PREX2: variants seen among roughly 807,000 people sequenced by gnomAD.
PREX2 encodes phosphatidylinositol 3,4,5-trisphosphate-dependent Rac exchanger 2 protein.
In PREX2, 107 loss-of-function variants were observed where a neutral mutation model predicts 203.2. The observed-to-expected ratio is 0.53, with a 90% CI of 0.45 to 0.62. The LOEUF (loss-of-function observed/expected upper bound fraction) is 0.62, where lower values mean the gene tolerates loss of function less well. Ranked by LOEUF, PREX2 falls within the 20% of genes least tolerant of loss-of-function variation. The pLI is 0.00. For synonymous variants in PREX2, 672 were observed against 663.6 expected (o/e 1.01, Z -0.19); for missense variants, 1,777 against 1,955.9 (o/e 0.91, Z 1.72).
chr8:68,046,315 C>T (rs1422744029), intron 8 of PREX2, among the ~76,000 whole-genome samples: 9 of 152,018 alleles, frequency 5.9e-5, no homozygotes, highest in Non-Finnish European at 1.2e-4. Context: ...TGCTTTTGGG[C>T]AGCTGGAGAA....
intron 6 of PREX2, among the ~76,000 whole-genome samples, chr8:68,035,696 C>A (rs946304279): frequency 6.6e-6 from 1 of 152,096 alleles, no homozygotes; most frequent in African/African-American, 2.4e-5. Context: ...AGTACATTAA[C>A]AATTCTTAGG....
intron 25 of PREX2, among the ~76,000 whole-genome samples, chr8:68,113,530 A>G (rs1461754802): frequency 6.6e-6 from 1 of 152,176 alleles, no homozygotes; most frequent in Non-Finnish European, 1.5e-5. Context: ...AAAGAGAAAA[A>G]CTGTGTTTAA....
intron 33 of PREX2, among the ~76,000 whole-genome samples, chr8:68,140,079 T>C (rs766211989): frequency 6.6e-6 from 1 of 152,168 alleles, no homozygotes; most frequent in Non-Finnish European, 1.5e-5. Context: ...AAATGGTCTG[T>C]TGAACAAGTA....
At chr8:68,179,139 A>G (rs1812037414) in intron 35 of PREX2, among the ~76,000 whole-genome samples, 1 of 152,186 alleles carries the variant, frequency 6.6e-6, no homozygotes, top group African/African-American at 2.4e-5. Context: ...CCTCTGGTGA[A>G]TAAGACAAAG....
intron 1 of PREX2, among the ~76,000 whole-genome samples, chr8:67,953,135 C>T (rs1043299610): frequency 9.9e-5 from 15 of 151,870 alleles, no homozygotes; most frequent in Non-Finnish European, 2.1e-4. Flanking sequence ...ATTAAAGCCA[C>T]ATGTGGCGCT....
chr8:68,087,581 C>G, intron 18 of PREX2, 143 bp from the exon 19 acceptor site: 1 of 685,492 alleles, frequency 1.5e-6, no homozygotes. Flanking sequence ...CCATGTTCGT[C>G]TCCAAGGATT....
intron 22 of PREX2, among the ~76,000 whole-genome samples, chr8:68,098,463 T>A (rs1454797219): frequency 6.6e-6 from 1 of 152,158 alleles, no homozygotes; most frequent in Non-Finnish European, 1.5e-5. Flanking sequence ...GTTGTACCTC[T>A]CTATATATCT....
intron 35 of PREX2, among the ~76,000 whole-genome samples, chr8:68,164,606 GAGTTTCACTCTTGTTGCCCAGGC>G (rs1811722826): frequency 7.6e-6 from 1 of 131,756 alleles, no homozygotes; most frequent in Non-Finnish European, 1.6e-5. Flanking sequence ...TTTTGAGACA[GAGTTTCACTCTTGTTGCCCAGGC>G]GGGAGTGCAG....
chr8:68,157,064 A>G (rs967023980), intron 34 of PREX2, among the ~76,000 whole-genome samples: 2 of 152,198 alleles, frequency 1.3e-5, no homozygotes, highest in Non-Finnish European at 2.9e-5. Context: ...CACAACATAT[A>G]CAAAATGTTT....
intron 22 of PREX2, 125 bp downstream of exon 22, chr8:68,097,326 C>CTTT (rs5892134): frequency 1.1e-3 from 628 of 573,282 alleles, no homozygotes; most frequent in South Asian, 2.1e-3. Context: ...ATTCAAACTT[C>CTTT]TTTTTTTTTT....
intron 20 of PREX2, among the ~76,000 whole-genome samples, chr8:68,091,036 T>C (rs1459052679): frequency 6.6e-6 from 1 of 152,200 alleles, no homozygotes; most frequent in East Asian, 1.9e-4. Flanking sequence ...GTGATTGCTT[T>C]AGAATATGTA....
intron 9 of PREX2, among the ~76,000 whole-genome samples, chr8:68,053,780 G>C (rs1031243452): frequency 6.6e-6 from 1 of 152,122 alleles, no homozygotes; most frequent in Non-Finnish European, 1.5e-5. Flanking sequence ...AAATTGTTAG[G>C]TCTTTGAATA....
chr8:68,208,080 T>C (rs910879945), intron 37 of PREX2, among the ~76,000 whole-genome samples: 4 of 152,152 alleles, frequency 2.6e-5, no homozygotes, highest in African/African-American at 7.2e-5. Flanking sequence ...AAAGGTCACC[T>C]TCACTATGGA....
At chr8:68,228,523 G>A (rs1442866375) in intron 39 of PREX2, among the ~76,000 whole-genome samples, 1 of 152,076 alleles carries the variant, frequency 6.6e-6, no homozygotes, top group Non-Finnish European at 1.5e-5. Context: ...AGCACTTTGG[G>A]AGGCCGAGGC....
chr8:68,152,289 GAAAAAAA>G lies in PREX2; in HGVS notation c.4232-5018_4232-5012del, dbSNP rs573525316. Among the ~76,000 whole-genome samples the G allele has an allele frequency of 2.1e-3, 153 of 72,922 alleles. 3 individuals are homozygous for G. In the East Asian group the frequency reaches 0.05, roughly 24 times the overall value. 47.8% of individuals were successfully genotyped at this position (72,922 alleles called of 152,430 possible). On this transcript the variant is annotated intron_variant, in intron 34 of 39. Transcript: ENST00000288368. ...CGACAGAGCGAGACTCCCTCTCAGA[GAAAAAAA>G]AAAAAAAAAAAAAAGATAAATCTTT...
intron 9 of PREX2, among the ~76,000 whole-genome samples, chr8:68,055,625 G>A (rs1808653358): frequency 6.6e-6 from 1 of 152,110 alleles, no homozygotes; most frequent in Non-Finnish European, 1.5e-5. Flanking sequence ...TTGCACAAAG[G>A]TGACATATAC....
chr8:68,206,507 CAA>C (rs1812629189), intron 37 of PREX2, among the ~76,000 whole-genome samples: 1 of 152,046 alleles, frequency 6.6e-6, no homozygotes, highest in Admixed American at 6.6e-5. Context: ...ATGAAAAATA[CAA>C]AAGTTACCTC....
At chr8:68,164,656 C>T (rs1216091647) in intron 35 of PREX2, among the ~76,000 whole-genome samples, 1 of 149,282 alleles carries the variant, frequency 6.7e-6, no homozygotes, top group East Asian at 2.0e-4. Context: ...GATCTTGGCT[C>T]ACCTCAACCT....
chr8:68,033,825 A>G (rs1201568282), intron 6 of PREX2, among the ~76,000 whole-genome samples: 2 of 152,166 alleles, frequency 1.3e-5, no homozygotes, highest in East Asian at 3.9e-4. Flanking sequence ...ATAATCACAT[A>G]CAATGAGTTA....
Sources: gnomAD v4.1 joint callset for allele counts (sites outside exome capture counted in the v4.1 genomes callset) on GRCh38, gnomAD v4.1.1 for gene constraint, MANE v1.5 for transcripts, NCBI Gene and HGNC (gene_info 2026-07-23, HGNC 2026-07-21) for gene names.